UVRAG: variants seen among roughly 807,000 people sequenced by gnomAD.
UVRAG encodes the protein UV radiation resistance associated.
UVRAG carries 19 observed loss-of-function variants against 78.0 expected under a neutral mutation model. The observed-to-expected ratio is 0.24, with a 90% CI of 0.17 to 0.36. The LOEUF (loss-of-function observed/expected upper bound fraction) is 0.36, where lower values mean the gene tolerates loss of function less well. Ranked by LOEUF, UVRAG falls within the 10% of genes least tolerant of loss-of-function variation. The probability of loss-of-function intolerance (pLI) is 1.00; values close to 1 mark genes in which losing one functional copy is unlikely to be tolerated. For missense variants in UVRAG, 740 were observed against 853.8 expected, an observed-to-expected ratio of 0.87 and a Z score of 1.66; for synonymous variants, 323 against 324.6, an observed-to-expected ratio of 1.00 and a Z score of 0.05.
intron 5 of UVRAG, among the ~76,000 whole-genome samples, chr11:75,907,126 A>G (rs766548879): frequency 6.6e-6 from 1 of 152,214 alleles, no homozygotes; most frequent in Non-Finnish European, 1.5e-5. Flanking sequence ...CTATGTTGAT[A>G]ATATTAAGTC....
intron 2 of UVRAG, among the ~76,000 whole-genome samples, chr11:75,857,845 T>A (rs1946328205): frequency 6.6e-6 from 1 of 151,278 alleles, no homozygotes; most frequent in Admixed American, 6.6e-5. Flanking sequence ...TTATTCCACA[T>A]GTTTCTCAGA....
intron 4 of UVRAG, among the ~76,000 whole-genome samples, chr11:75,886,262 A>G (rs1460553197): frequency 6.6e-6 from 1 of 152,146 alleles, no homozygotes; most frequent in Non-Finnish European, 1.5e-5. Context: ...CTTTACCTTC[A>G]TGTTAGATTT....
intron 13 of UVRAG, among the ~76,000 whole-genome samples, chr11:76,075,208 A>G (rs1951381975): frequency 6.6e-6 from 1 of 152,240 alleles, no homozygotes; most frequent in African/African-American, 2.4e-5. Flanking sequence ...CAACTACTGC[A>G]TACAAAATTT....
intron 13 of UVRAG, among the ~76,000 whole-genome samples, chr11:76,099,469 C>G (rs189093008): frequency 9.9e-5 from 15 of 152,162 alleles, no homozygotes; most frequent in Non-Finnish European, 1.0e-4. Context: ...TTTACTAAAA[C>G]AAGACTAAAC....
At chr11:75,979,226 T>G (rs955696126) in intron 7 of UVRAG, among the ~76,000 whole-genome samples, 1 of 152,148 alleles carries the variant, frequency 6.6e-6, no homozygotes, top group African/African-American at 2.4e-5. Context: ...TGCCTGATCA[T>G]TCCTCTGGAA....
intron 12 of UVRAG, among the ~76,000 whole-genome samples, chr11:76,040,220 A>G (rs1369548888): frequency 1.3e-5 from 2 of 152,132 alleles, no homozygotes; most frequent in African/African-American, 4.8e-5. Flanking sequence ...ATCTGCAGCA[A>G]AGAAGTAGAA....
intron 1 of UVRAG, among the ~76,000 whole-genome samples, chr11:75,830,882 A>C (rs1945640569): frequency 6.6e-6 from 1 of 152,234 alleles, no homozygotes; most frequent in Non-Finnish European, 1.5e-5. Flanking sequence ...GGTTAAGAAT[A>C]TGGACACTAG....
At chr11:75,872,915 A>G (rs552360516) in intron 3 of UVRAG, among the ~76,000 whole-genome samples, 2 of 152,346 alleles carry the variant, frequency 1.3e-5, no homozygotes, top group East Asian at 3.9e-4. Context: ...AACCTTTGGT[A>G]ATGGTGCTGG....
In UVRAG at chr11:75,911,992, G is replaced by A. The variant is rs977956107; in HGVS notation, c.546G>A (p.Val182=). The A allele has an allele frequency of 3.1e-6, 5 of 1,613,404 alleles. No homozygotes were observed. The highest frequency in any genetic ancestry group is 4.2e-6 in the Non-Finnish European group (5 of 1,179,620). Residue 182 remains valine, a synonymous_variant, in exon 6 of 15, where the codon GTG becomes GTA. Transcript: ENST00000356136. ...SNAQKTILLQ[V]DQNCVRNSYD... is the part of the protein sequence containing the mutation. ...CTCAGAAGACTATTCTTCTGCAGGT[G>A]GATCAGAACTGTGTTCGCAATTCTT...
At chr11:75,857,837 A>T (rs554131385) in intron 2 of UVRAG, among the ~76,000 whole-genome samples, 62 of 135,498 alleles carry the variant, frequency 4.6e-4, no homozygotes, top group African/African-American at 1.6e-3. Flanking sequence ...GCAGGTCTTT[A>T]TTCCACATGT....
At chr11:75,879,624 C>A (rs762936778) in intron 3 of UVRAG, among the ~76,000 whole-genome samples, 1 of 152,140 alleles carries the variant, frequency 6.6e-6, no homozygotes, top group Admixed American at 6.6e-5. Context: ...AATGAATTAC[C>A]GTATGAAACC....
chr11:75,962,052 T>A (rs1460060782), intron 7 of UVRAG, among the ~76,000 whole-genome samples: 1 of 152,172 alleles, frequency 6.6e-6, no homozygotes, highest in Non-Finnish European at 1.5e-5. Context: ...AATTTTGAGT[T>A]GTTTTTCCTA....
chr11:76,010,944 C>T (rs1313825520), intron 11 of UVRAG, among the ~76,000 whole-genome samples: 1 of 152,076 alleles, frequency 6.6e-6, no homozygotes, highest in African/African-American at 2.4e-5. Context: ...ATGGCATGAG[C>T]TGAGTTAGGC....
chr11:76,116,206 C>T (rs57868616), intron 14 of UVRAG, among the ~76,000 whole-genome samples, 191 bp downstream of exon 14: 4,633 of 152,222 alleles, frequency 0.03, 248 homozygotes, highest in African/African-American at 0.1. Flanking sequence ...ATGTAGCCCC[C>T]TTGGAGGGAG....
chr11:76,039,840 A>C (rs1950609422), intron 12 of UVRAG, among the ~76,000 whole-genome samples: 1 of 152,210 alleles, frequency 6.6e-6, no homozygotes, highest in South Asian at 2.1e-4. Flanking sequence ...GTGCCACTGC[A>C]CTCCAGCCTG....
At chr11:75,973,289 A>G (rs943652997) in intron 7 of UVRAG, among the ~76,000 whole-genome samples, 9 of 152,210 alleles carry the variant, frequency 5.9e-5, no homozygotes, top group Non-Finnish European at 1.3e-4. Context: ...GCATCTATCA[A>G]TATGTATGAT....
At chr11:76,137,868 G>C in intron 14 of UVRAG, 1 of 185,994 alleles carries the variant, frequency 5.4e-6, no homozygotes, top group Non-Finnish European at 1.1e-5. Flanking sequence ...GATCACACCA[G>C]TGTACTCTAG....
chr11:75,826,537 G>A (rs976568357), intron 1 of UVRAG, among the ~76,000 whole-genome samples: 5 of 152,190 alleles, frequency 3.3e-5, no homozygotes, highest in South Asian at 2.1e-4. Flanking sequence ...ATGGAGGAGA[G>A]GCTGTATTTT....
intron 3 of UVRAG, among the ~76,000 whole-genome samples, chr11:75,865,216 G>A (rs1206928256): frequency 6.6e-6 from 1 of 151,158 alleles, no homozygotes. Context: ...GAACCTGAGA[G>A]GCGGAGGTTG....
Sources: allele counts gnomAD v4.1 joint callset (sites outside exome capture counted in the v4.1 genomes callset), GRCh38; gene constraint gnomAD v4.1.1; transcripts MANE v1.5; gene names NCBI Gene and HGNC (gene_info 2026-07-23, HGNC 2026-07-21).